LINGO2: variants seen among roughly 807,000 people sequenced by gnomAD.
The protein encoded by LINGO2 is leucine rich repeat and Ig domain containing 2.
LINGO2 carries 14 observed loss-of-function variants against 30.6 expected under a neutral mutation model. The observed-to-expected ratio is 0.46, with a 90% CI of 0.30 to 0.72. The LOEUF (loss-of-function observed/expected upper bound fraction) is 0.72, where lower values mean the gene tolerates loss of function less well. Ranked by LOEUF, LINGO2 falls within the 30% of genes least tolerant of loss-of-function variation. The pLI is 0.07. For synonymous variants in LINGO2, 317 were observed against 288.5 expected (o/e 1.10, Z -1.00); for missense variants, 729 against 751.7 (o/e 0.97, Z 0.35).
At chr9:28,773,607 CT>C in the LINGO2 span, among the ~76,000 whole-genome samples, 2 of 152,038 alleles carry the variant, frequency 1.3e-5, no homozygotes, top group African/African-American at 4.8e-5. Context: ...CATCTCTAAG[CT>C]TTTAGGTTTA....
At chr9:28,379,654 T>C (rs550869595) in intron 2 of LINGO2, among the ~76,000 whole-genome samples, 7 of 152,198 alleles carry the variant, frequency 4.6e-5, no homozygotes, top group Admixed American at 2.6e-4. Flanking sequence ...CGAATGCTAT[T>C]GTATGCTTTA....
chr9:28,606,383 T>C, intron 1 of LINGO2, among the ~76,000 whole-genome samples: 1 of 151,978 alleles, frequency 6.6e-6, no homozygotes, highest in African/African-American at 2.4e-5. Flanking sequence ...ATAAATGACT[T>C]TACTGGAGAC....
chr9:28,601,247 A>G (rs1825455861), intron 1 of LINGO2, among the ~76,000 whole-genome samples: 1 of 152,168 alleles, frequency 6.6e-6, no homozygotes, highest in Non-Finnish European at 1.5e-5. Context: ...CTGTAGAAGC[A>G]TGTGAAAAGA....
At chr9:28,647,822 T>G (rs1323295142) in intron 1 of LINGO2, among the ~76,000 whole-genome samples, 2 of 151,510 alleles carry the variant, frequency 1.3e-5, no homozygotes, top group East Asian at 3.9e-4. Context: ...TCTATTTAAC[T>G]TTTATTATTC....
chr9:27,962,796 T>C (rs188953035), intron 5 of LINGO2, among the ~76,000 whole-genome samples: 17 of 152,276 alleles, frequency 1.1e-4, no homozygotes, highest in Admixed American at 9.2e-4. Context: ...AGATGAATTT[T>C]GTTTCATTAG....
At chr9:29,201,945 A>C in the LINGO2 span, among the ~76,000 whole-genome samples, 103 of 152,154 alleles carry the variant, frequency 6.8e-4, no homozygotes, top group South Asian at 7.0e-3. Flanking sequence ...ATTTGAAACC[A>C]AATCTTAAAC....
intron 3 of LINGO2, among the ~76,000 whole-genome samples, chr9:28,313,290 G>T (rs979332192): frequency 1.3e-5 from 2 of 152,172 alleles, no homozygotes; most frequent in Non-Finnish European, 2.9e-5. Flanking sequence ...TATTTAACGA[G>T]AGGGGTCTCT....
At position 28,056,575 on chromosome 9, in the gene LINGO2, T is replaced by C. The variant is rs80251366; in HGVS notation, c.-86-44170A>G. 5.9e-3 allele frequency among the ~76,000 whole-genome samples: 902 copies of C among 152,232 alleles called. 8 individuals are homozygous for C. The highest frequency in any genetic ancestry group is 0.021 in the African/African-American group (856 of 41,562). ...CAGCTCAGACCTGAATACAGCACCC[T>C]ACACAGTGATTGGCTAAAGCCAATT... is the stretch of plus-strand genomic sequence containing the variant. On this transcript the variant is annotated intron_variant, in intron 4 of 5. Transcript: ENST00000379992.
intron 1 of LINGO2, among the ~76,000 whole-genome samples, chr9:28,638,816 T>A (rs1456979060): frequency 6.6e-6 from 1 of 152,160 alleles, no homozygotes; most frequent in East Asian, 1.9e-4. Flanking sequence ...TATCTCTATT[T>A]CCTTCAGTTC....
At chr9:27,949,303 T>C in exon 6 of LINGO2, 1 of 1,614,084 alleles carries the variant, frequency 6.2e-7, no homozygotes. Context: ...GCTCTTCCAT[T>C]GGACTTGGTG....
At chr9:28,741,004 C>T in the LINGO2 span, among the ~76,000 whole-genome samples, 1 of 151,892 alleles carries the variant, frequency 6.6e-6, no homozygotes, top group African/African-American at 2.4e-5. Flanking sequence ...TGGGATGGTC[C>T]TGGTACCTGG....
At chr9:27,983,750 C>A (rs1440654109) in intron 5 of LINGO2, among the ~76,000 whole-genome samples, 4 of 151,858 alleles carry the variant, frequency 2.6e-5, no homozygotes, top group African/African-American at 9.7e-5. Flanking sequence ...CTTTCCCTGA[C>A]CAGATTTCAT....
At chr9:28,001,924 T>C (rs1405030194) in intron 5 of LINGO2, among the ~76,000 whole-genome samples, 2 of 152,212 alleles carry the variant, frequency 1.3e-5, no homozygotes, top group Non-Finnish European at 2.9e-5. Flanking sequence ...AAAGTTACTC[T>C]GAGATATGAG....
At chr9:28,056,557 G>C (rs1824948543) in intron 4 of LINGO2, among the ~76,000 whole-genome samples, 3 of 152,080 alleles carry the variant, frequency 2.0e-5, no homozygotes, top group Non-Finnish European at 4.4e-5. Flanking sequence ...ATACAGCTCA[G>C]ACCTGAATAC....
At chr9:28,176,532 G>C (rs73445917) in intron 4 of LINGO2, among the ~76,000 whole-genome samples, 5,574 of 152,174 alleles carry the variant, frequency 0.037, 325 homozygotes, top group African/African-American at 0.13. Context: ...AGTAGATTAT[G>C]CTCAATAAAG....
chr9:28,544,900 C>A (rs1821863071), intron 1 of LINGO2, among the ~76,000 whole-genome samples: 1 of 151,260 alleles, frequency 6.6e-6, no homozygotes, highest in African/African-American at 2.4e-5. Flanking sequence ...CATCTAATCT[C>A]AATCCTTTTA....
chr9:28,927,932 C>G, the LINGO2 span, among the ~76,000 whole-genome samples: 2 of 152,186 alleles, frequency 1.3e-5, no homozygotes, highest in Non-Finnish European at 2.9e-5. Context: ...GGTAAATTGT[C>G]TGTGCTCTTA....
chr9:28,268,550 G>A (rs1265789674), intron 4 of LINGO2, among the ~76,000 whole-genome samples: 1 of 152,102 alleles, frequency 6.6e-6, no homozygotes, highest in Non-Finnish European at 1.5e-5. Flanking sequence ...CTGTCAATGA[G>A]TCCATTTGAG....
chr9:27,994,907 T>C (rs1301076391), intron 5 of LINGO2, among the ~76,000 whole-genome samples: 2 of 152,170 alleles, frequency 1.3e-5, no homozygotes, highest in Non-Finnish European at 2.9e-5. Flanking sequence ...CAGAGTGTAC[T>C]GTCTCTCTCT....
Sources: gnomAD v4.1 joint callset for allele counts (sites outside exome capture counted in the v4.1 genomes callset) on GRCh38, gnomAD v4.1.1 for gene constraint, MANE v1.5 for transcripts, NCBI Gene and HGNC (gene_info 2026-07-23, HGNC 2026-07-21) for gene names.